Variants in CEP63 observed in about 807,000 individuals in gnomAD.
CEP63 encodes the protein centrosomal protein of 63 kDa.
Under a neutral mutation model 89.1 loss-of-function variants are expected in CEP63, and 84 were observed. That is an observed-to-expected ratio of 0.94 (90% CI 0.79 to 1.13). CEP63 has a LOEUF of 1.13. Ranked by LOEUF, CEP63 falls within the 50% of genes most tolerant of loss-of-function variation. CEP63 has a pLI of 0.00. For synonymous variants in CEP63, 267 were observed against 272.5 expected, an observed-to-expected ratio of 0.98 and a Z score of 0.20; for missense variants, 838 against 813.3, an observed-to-expected ratio of 1.03 and a Z score of -0.37.
chr3:134,732,125 T>C, the CEP63 span, among the ~76,000 whole-genome samples: 1 of 152,144 alleles, frequency 6.6e-6, no homozygotes, highest in Non-Finnish European at 1.5e-5. Flanking sequence ...GAACAAGATA[T>C]ACCAAGATAT....
At chr3:134,574,559 C>A (rs1233730652) in intron 11 of CEP63, among the ~76,000 whole-genome samples, 2 of 152,130 alleles carry the variant, frequency 1.3e-5, no homozygotes, top group Non-Finnish European at 2.9e-5. Flanking sequence ...TTTTTTAACA[C>A]TGGATCTAAA....
the CEP63 span, among the ~76,000 whole-genome samples, chr3:134,760,931 C>CACTCAGTTGTCACACCAGG: frequency 6.6e-6 from 1 of 152,058 alleles, no homozygotes; most frequent in Non-Finnish European, 1.5e-5. Flanking sequence ...CTGACCTCCC[C>CACTCAGTTGTCACACCAGG]ACTCAGTTGT....
At chr3:134,522,432 C>T (rs939374127) in intron 3 of CEP63, among the ~76,000 whole-genome samples, 6 of 151,946 alleles carry the variant, frequency 3.9e-5, no homozygotes, top group African/African-American at 1.2e-4. Context: ...GATTGTGAAG[C>T]GTTGTAGTCA....
chr3:134,687,377 A>G, the CEP63 span, among the ~76,000 whole-genome samples: 2 of 152,254 alleles, frequency 1.3e-5, no homozygotes. Context: ...AGACTGCAGC[A>G]AACACAGAGC....
chr3:134,600,007 A>G, the CEP63 span, among the ~76,000 whole-genome samples: 1,207 of 152,352 alleles, frequency 7.9e-3, 24 homozygotes, highest in East Asian at 0.068. Flanking sequence ...ACCGGCCCAC[A>G]CAACTCAATG....
At chr3:134,637,898 G>C in the CEP63 span, among the ~76,000 whole-genome samples, 2 of 152,222 alleles carry the variant, frequency 1.3e-5, no homozygotes, top group Admixed American at 1.3e-4. Context: ...GCTCATGTTC[G>C]GAGCACGGCC....
the CEP63 span, among the ~76,000 whole-genome samples, chr3:134,779,373 T>C: frequency 2.0e-5 from 3 of 152,332 alleles, no homozygotes; most frequent in Non-Finnish European, 4.4e-5. Flanking sequence ...TTTACAATGA[T>C]GGGCATTTGG....
At chr3:134,673,547 G>A in the CEP63 span, among the ~76,000 whole-genome samples, 1 of 152,144 alleles carries the variant, frequency 6.6e-6, no homozygotes, top group African/African-American at 2.4e-5. Context: ...GTGGCAGCCA[G>A]CCTGGAGAAC....
chr3:134,701,207 C>T, the CEP63 span, among the ~76,000 whole-genome samples: 1,547 of 5,914 alleles, frequency 0.26, 21 homozygotes, highest in Non-Finnish European at 0.45. Flanking sequence ...CACATATATA[C>T]GTATATATGT....
At chr3:134,681,875 A>C in the CEP63 span, among the ~76,000 whole-genome samples, 6 of 152,234 alleles carry the variant, frequency 3.9e-5, no homozygotes, top group Non-Finnish European at 8.8e-5. Context: ...ACTGAGGCTC[A>C]GAGAAGTTAA....
the CEP63 span, among the ~76,000 whole-genome samples, chr3:134,633,561 T>C: frequency 6.6e-6 from 1 of 152,118 alleles, no homozygotes; most frequent in Admixed American, 6.5e-5. Context: ...CATCCGTTCA[T>C]GATAAAACCT....
the CEP63 span, among the ~76,000 whole-genome samples, chr3:134,681,330 G>C: frequency 6.6e-6 from 1 of 152,162 alleles, no homozygotes; most frequent in African/African-American, 2.4e-5. Flanking sequence ...ACAGGAGCCT[G>C]GCCCAAGCAC....
chr3:134,687,260 G>C, the CEP63 span, among the ~76,000 whole-genome samples: 8 of 152,224 alleles, frequency 5.3e-5, no homozygotes, highest in Non-Finnish European at 5.9e-5. Flanking sequence ...CTCAGCAAGT[G>C]TGCCTTTATC....
intron 3 of CEP63, among the ~76,000 whole-genome samples, chr3:134,509,340 C>G (rs58656352): frequency 0.056 from 8,539 of 152,216 alleles, 829 homozygotes; most frequent in African/African-American, 0.19. Context: ...CTCACTACAA[C>G]GAGAACAGCA....
chr3:134,709,253 T>C, the CEP63 span, among the ~76,000 whole-genome samples: 1 of 152,142 alleles, frequency 6.6e-6, no homozygotes, highest in Non-Finnish European at 1.5e-5. Context: ...CCAGATGCTC[T>C]AGTCCCAGTT....
At chr3:134,506,098 G>A (rs1449110701) in intron 2 of CEP63, among the ~76,000 whole-genome samples, 1 of 152,154 alleles carries the variant, frequency 6.6e-6, no homozygotes, top group African/African-American at 2.4e-5. Context: ...GTCACACTAA[G>A]AACAGGTGCT....
chr3:134,571,480 G>A (rs575212515), intron 11 of CEP63, among the ~76,000 whole-genome samples: 9 of 152,308 alleles, frequency 5.9e-5, no homozygotes, highest in African/African-American at 1.9e-4. Context: ...AGGAGATCGA[G>A]ACCATCCTGA....
the CEP63 span, among the ~76,000 whole-genome samples, chr3:134,723,967 T>C: frequency 6.6e-6 from 1 of 152,228 alleles, no homozygotes; most frequent in Non-Finnish European, 1.5e-5. Flanking sequence ...CACACAGGGC[T>C]ACGGCTTAGA....
downstream of CEP63, among the ~76,000 whole-genome samples, chr3:134,569,834 A>G (rs1957943245): frequency 1.3e-5 from 2 of 152,232 alleles, no homozygotes; most frequent in Non-Finnish European, 2.9e-5. Flanking sequence ...CAACCTCTGC[A>G]GCAAACTTCT....
Sources: allele counts gnomAD v4.1 joint callset (sites outside exome capture counted in the v4.1 genomes callset), GRCh38; gene constraint gnomAD v4.1.1; transcripts MANE v1.5; gene names NCBI Gene and HGNC (gene_info 2026-07-23, HGNC 2026-07-21).